The following GRM8 variants were observed in gnomAD, a reference collection of about 807,000 sequenced individuals.
The protein encoded by GRM8 is glutamate metabotropic receptor 8, also known as metabotropic glutamate receptor 8.
GRM8 carries 47 observed loss-of-function variants against 87.2 expected under a neutral mutation model. The observed-to-expected ratio is 0.54, with a 90% CI of 0.43 to 0.69. The LOEUF (loss-of-function observed/expected upper bound fraction) is 0.69. Among genes scored for constraint, GRM8 ranks in the 30% least tolerant of loss-of-function variants. The probability of loss-of-function intolerance (pLI) is 0.00; values close to 1 mark genes in which losing one functional copy is unlikely to be tolerated. For missense variants in GRM8, 1,019 were observed against 1,139.2 expected (o/e 0.89, Z 1.52); for synonymous variants, 396 against 404.5 (o/e 0.98, Z 0.25).
chr7:126,444,742 A>G (rs1038816736), intron 10 of GRM8, among the ~76,000 whole-genome samples: 2 of 152,096 alleles, frequency 1.3e-5, no homozygotes, highest in Non-Finnish European at 2.9e-5. Flanking sequence ...AAACCAAATA[A>G]AATTAATTTT....
intron 3 of GRM8, among the ~76,000 whole-genome samples, chr7:126,989,484 C>A (rs1812422803): frequency 6.6e-6 from 1 of 152,152 alleles, no homozygotes; most frequent in Non-Finnish European, 1.5e-5. Context: ...ATCACAGTGT[C>A]CTGTACCCTT....
chr7:127,226,470 T>G (rs1400272688), intron 2 of GRM8, among the ~76,000 whole-genome samples: 1 of 152,236 alleles, frequency 6.6e-6, no homozygotes, highest in Non-Finnish European at 1.5e-5. Context: ...CCTGAGATTC[T>G]TAAGAGGTAT....
intron 7 of GRM8, among the ~76,000 whole-genome samples, chr7:126,753,724 C>T (rs1585790999): frequency 6.6e-6 from 1 of 151,744 alleles, no homozygotes; most frequent in East Asian, 1.9e-4. Flanking sequence ...AGATTATTTT[C>T]CACCTCAAAT....
chr7:126,797,547 C>A (rs574572087), intron 6 of GRM8, among the ~76,000 whole-genome samples: 1 of 152,112 alleles, frequency 6.6e-6, no homozygotes, highest in South Asian at 2.1e-4. Flanking sequence ...CTGCAGCCAG[C>A]AGTGTGCAAA....
At chr7:126,640,960 G>T (rs575795292) in intron 7 of GRM8, among the ~76,000 whole-genome samples, 7 of 151,992 alleles carry the variant, frequency 4.6e-5, no homozygotes, top group Admixed American at 1.3e-4. Context: ...AACCAAGAGG[G>T]TGTTTAATTA....
intron 2 of GRM8, among the ~76,000 whole-genome samples, chr7:127,133,177 T>C (rs983591445): frequency 4.6e-5 from 7 of 151,466 alleles, no homozygotes; most frequent in African/African-American, 1.5e-4. Context: ...CCCAGCACTT[T>C]GGAAGGCCAA....
intron 7 of GRM8, among the ~76,000 whole-genome samples, chr7:126,739,127 A>C (rs1243465228): frequency 1.3e-5 from 2 of 152,014 alleles, no homozygotes; most frequent in Admixed American, 1.3e-4. Flanking sequence ...ATTAAAGAAG[A>C]GAAAGAAGAA....
intron 9 of GRM8, among the ~76,000 whole-genome samples, chr7:126,526,382 T>C (rs1761490885): frequency 6.6e-6 from 1 of 151,854 alleles, no homozygotes; most frequent in Non-Finnish European, 1.5e-5. Flanking sequence ...TTTTCAATCA[T>C]ATTCAGAAAG....
intron 2 of GRM8, among the ~76,000 whole-genome samples, chr7:127,188,703 G>T (rs914649267): frequency 3.9e-5 from 6 of 152,116 alleles, no homozygotes. Flanking sequence ...CTGGTATAGT[G>T]CTTATCAAAT....
At chr7:126,914,400 C>T (rs1348418077) in intron 3 of GRM8, among the ~76,000 whole-genome samples, 2 of 152,128 alleles carry the variant, frequency 1.3e-5, no homozygotes, top group Admixed American at 1.3e-4. Flanking sequence ...ACCATTCAAC[C>T]CAGCAACCCC....
chr7:126,675,118 A>G (rs1806812525), intron 7 of GRM8, among the ~76,000 whole-genome samples: 1 of 152,246 alleles, frequency 6.6e-6, no homozygotes, highest in Non-Finnish European at 1.5e-5. Flanking sequence ...AGATATCAGT[A>G]GTTACCTTTG....
intron 2 of GRM8, among the ~76,000 whole-genome samples, chr7:127,202,277 A>C (rs1476837083): frequency 1.3e-5 from 2 of 152,016 alleles, no homozygotes; most frequent in African/African-American, 4.8e-5. Flanking sequence ...TCTCAGGCTC[A>C]AGCAATTCTC....
At chr7:127,085,133 G>T (rs1428177282) in intron 3 of GRM8, among the ~76,000 whole-genome samples, 1 of 152,190 alleles carries the variant, frequency 6.6e-6, no homozygotes, top group Non-Finnish European at 1.5e-5. Flanking sequence ...CCCTGCAAAG[G>T]ACATGAACTC....
intron 7 of GRM8, among the ~76,000 whole-genome samples, chr7:126,704,696 A>C (rs1005868858): frequency 6.6e-6 from 1 of 152,074 alleles, no homozygotes; most frequent in Non-Finnish European, 1.5e-5. Context: ...AGCTGTAGGG[A>C]TGAAATAAGC....
At chr7:126,698,086 T>C (rs1809565606) in intron 7 of GRM8, among the ~76,000 whole-genome samples, 1 of 152,244 alleles carries the variant, frequency 6.6e-6, no homozygotes, top group Middle Eastern at 3.4e-3. Flanking sequence ...ATGGAATAGA[T>C]TGTGGAACTA....
At chr7:127,150,389 G>A (rs1175091071) in intron 2 of GRM8, among the ~76,000 whole-genome samples, 1 of 152,020 alleles carries the variant, frequency 6.6e-6, no homozygotes, top group Admixed American at 6.6e-5. Context: ...ACATGCAGGA[G>A]GGCTCTGTAG....
intron 7 of GRM8, among the ~76,000 whole-genome samples, chr7:126,708,362 C>T (rs1585610398): frequency 6.6e-6 from 1 of 151,960 alleles, no homozygotes; most frequent in Non-Finnish European, 1.5e-5. Flanking sequence ...TATGATCCAA[C>T]AAATCACTAC....
At chr7:126,531,836 G>A (rs1200720631) in intron 9 of GRM8, among the ~76,000 whole-genome samples, 1 of 152,108 alleles carries the variant, frequency 6.6e-6, no homozygotes, top group East Asian at 1.9e-4. Flanking sequence ...GAATTTGCTG[G>A]GATTTTCTGC....
At chr7:127,142,452 G>A (rs1374071533) in intron 2 of GRM8, among the ~76,000 whole-genome samples, 3 of 152,152 alleles carry the variant, frequency 2.0e-5, no homozygotes, top group Non-Finnish European at 4.4e-5. Flanking sequence ...CCAGTGACAA[G>A]TAGTGCTTTT....
Sources: gnomAD v4.1 joint callset for allele counts (sites outside exome capture counted in the v4.1 genomes callset) on GRCh38, gnomAD v4.1.1 for gene constraint, MANE v1.5 for transcripts, NCBI Gene and HGNC (gene_info 2026-07-23, HGNC 2026-07-21) for gene names.